The following TSPAN18 variants were observed in gnomAD, a reference collection of about 807,000 sequenced individuals.
The protein encoded by TSPAN18 is tetraspanin-18.
TSPAN18 carries 14 observed loss-of-function variants against 27.3 expected under a neutral mutation model. That is an observed-to-expected ratio of 0.51 (90% CI 0.34 to 0.80). The LOEUF is 0.80. Ranked by LOEUF, TSPAN18 falls within the 30% of genes least tolerant of loss-of-function variation. The probability of loss-of-function intolerance (pLI) is 0.01; values close to 1 mark genes in which losing one functional copy is unlikely to be tolerated. For missense variants in TSPAN18, 268 were observed against 323.9 expected (o/e 0.83, Z 1.32); for synonymous variants, 143 against 136.5 (o/e 1.05, Z -0.33).
intron 2 of TSPAN18, among the ~76,000 whole-genome samples, chr11:44,858,531 G>A (rs1857795426): frequency 6.6e-6 from 1 of 152,172 alleles, no homozygotes; most frequent in Admixed American, 6.5e-5. Flanking sequence ...AAGTTAGTGT[G>A]GTGTTGGGAC....
intron 1 of TSPAN18, among the ~76,000 whole-genome samples, chr11:44,764,094 A>G (rs939436677): frequency 6.6e-6 from 1 of 151,994 alleles, no homozygotes; most frequent in Non-Finnish European, 1.5e-5. Flanking sequence ...AGCAGATCTC[A>G]CGGTATCTCA....
At chr11:44,920,648 C>A (rs1157802729) in intron 8 of TSPAN18, among the ~76,000 whole-genome samples, 1 of 152,144 alleles carries the variant, frequency 6.6e-6, no homozygotes, top group Non-Finnish European at 1.5e-5. Context: ...GACCAGCCCC[C>A]ACTCTGCCAG....
intron 5 of TSPAN18, among the ~76,000 whole-genome samples, chr11:44,915,381 C>A (rs1469216991): frequency 6.6e-6 from 1 of 152,214 alleles, no homozygotes; most frequent in Non-Finnish European, 1.5e-5. Context: ...GCCCCCCACC[C>A]TCCTGGAAAT....
At chr11:44,749,632 CTTTTTTTTTT>C (rs71894571) in intron 1 of TSPAN18, among the ~76,000 whole-genome samples, 15 of 110,448 alleles carry the variant, frequency 1.4e-4, no homozygotes, top group African/African-American at 5.3e-4. Flanking sequence ...GTGGAACTTT[CTTTTTTTTTT>C]TTTTTTTTTT....
At chr11:44,828,800 C>G (rs1857097198) in intron 2 of TSPAN18, among the ~76,000 whole-genome samples, 1 of 152,200 alleles carries the variant, frequency 6.6e-6, no homozygotes, top group African/African-American at 2.4e-5. Context: ...GACTCTCCCC[C>G]TGCTTCACTC....
At chr11:44,850,793 T>A (rs1161487928) in intron 2 of TSPAN18, among the ~76,000 whole-genome samples, 7 of 152,118 alleles carry the variant, frequency 4.6e-5, no homozygotes, top group African/African-American at 1.7e-4. Flanking sequence ...CTGACGCTTG[T>A]CCCAGTCGGT....
At chr11:44,781,967 T>C (rs577098601) in intron 2 of TSPAN18, among the ~76,000 whole-genome samples, 1 of 152,332 alleles carries the variant, frequency 6.6e-6, no homozygotes, top group African/African-American at 2.4e-5. Context: ...TCAGTCTCCC[T>C]TCACTCAGCT....
chr11:44,786,534 C>G (rs1342328544), intron 2 of TSPAN18, among the ~76,000 whole-genome samples: 1 of 151,958 alleles, frequency 6.6e-6, no homozygotes, highest in Non-Finnish European at 1.5e-5. Context: ...GGGCTCTCCT[C>G]CCCCGGACCC....
intron 2 of TSPAN18, among the ~76,000 whole-genome samples, chr11:44,811,626 A>AT (rs1182041195): frequency 1.3e-5 from 2 of 151,740 alleles, no homozygotes; most frequent in East Asian, 1.9e-4. Flanking sequence ...CACCTGGCTA[A>AT]TTTTTTTGTA....
intron 2 of TSPAN18, among the ~76,000 whole-genome samples, chr11:44,818,350 C>A (rs1424242682): frequency 6.6e-6 from 1 of 152,232 alleles, no homozygotes; most frequent in East Asian, 1.9e-4. Context: ...CCCTCACCTT[C>A]CTCTGTCCCC....
chr11:44,838,210 C>T (rs1456575476), intron 2 of TSPAN18, among the ~76,000 whole-genome samples: 1 of 152,184 alleles, frequency 6.6e-6, no homozygotes. Flanking sequence ...CTCACAGTTC[C>T]ACATGGCTGG....
chr11:44,917,848 G>A, intron 5 of TSPAN18, 124 bp from the exon 6 acceptor site: 1 of 791,996 alleles, frequency 1.3e-6, no homozygotes, highest in South Asian at 1.5e-5. Flanking sequence ...GCAGTGGAGT[G>A]CCTTAATCTT....
intron 2 of TSPAN18, among the ~76,000 whole-genome samples, chr11:44,830,429 G>A (rs888622520): frequency 6.6e-6 from 1 of 152,236 alleles, no homozygotes; most frequent in Non-Finnish European, 1.5e-5. Flanking sequence ...GCATAAAGGT[G>A]TGGCTTGATA....
At chr11:44,818,856 G>A (rs1273364376) in intron 2 of TSPAN18, among the ~76,000 whole-genome samples, 1 of 152,070 alleles carries the variant, frequency 6.6e-6, no homozygotes, top group Non-Finnish European at 1.5e-5. Context: ...CTAGGCCTGA[G>A]TTCTGGTCCT....
chr11:44,903,398 G>A (rs767698817), intron 3 of TSPAN18: 4 of 436,244 alleles, frequency 9.2e-6, no homozygotes, highest in Non-Finnish European at 1.8e-5. Context: ...GGAAAGTCAG[G>A]GCAGGAATAA....
intron 2 of TSPAN18, among the ~76,000 whole-genome samples, chr11:44,766,571 G>A (rs550194780): frequency 7.8e-4 from 119 of 152,262 alleles, no homozygotes; most frequent in African/African-American, 2.4e-3. Flanking sequence ...CTCAAGCCTC[G>A]GTGTATAAGA....
At chr11:44,885,130 C>T (rs1326249566) in intron 3 of TSPAN18, among the ~76,000 whole-genome samples, 1 of 152,082 alleles carries the variant, frequency 6.6e-6, no homozygotes, top group East Asian at 1.9e-4. Flanking sequence ...TTATATGGCC[C>T]CTTATGGAAA....
chr11:44,808,448 A>G (rs757810018), intron 2 of TSPAN18, among the ~76,000 whole-genome samples: 5 of 152,184 alleles, frequency 3.3e-5, no homozygotes, highest in Non-Finnish European at 5.9e-5. Flanking sequence ...TGGATTCCCT[A>G]GGTAAAGGCA....
At chr11:44,759,290 C>G (rs1236982051) in intron 1 of TSPAN18, among the ~76,000 whole-genome samples, 1 of 152,196 alleles carries the variant, frequency 6.6e-6, no homozygotes, top group Non-Finnish European at 1.5e-5. Flanking sequence ...TTCCCGAAGG[C>G]CTTACCTGTA....
Sources: allele counts gnomAD v4.1 joint callset (sites outside exome capture counted in the v4.1 genomes callset), GRCh38; gene constraint gnomAD v4.1.1; transcripts MANE v1.5; gene names NCBI Gene and HGNC (gene_info 2026-07-23, HGNC 2026-07-21).